The following COL6A6 variants were observed in gnomAD, a reference collection of about 807,000 sequenced individuals.
COL6A6 encodes collagen type VI alpha 6 chain, also known as collagen alpha-6(VI) chain.
In COL6A6, 183 loss-of-function variants were observed where a neutral mutation model predicts 208.6. The observed-to-expected ratio is 0.88, with a 90% CI of 0.78 to 0.99. The LOEUF is 0.99. Ranked by LOEUF, COL6A6 falls within the 50% of genes least tolerant of loss-of-function variation. The probability of loss-of-function intolerance (pLI) is 0.00; values close to 1 mark genes in which losing one functional copy is unlikely to be tolerated. For synonymous variants in COL6A6, 973 were observed against 1,011.8 expected (o/e 0.96, Z 0.73); for missense variants, 2,816 against 2,815.2 (o/e 1.00, Z -0.01).
intron 7 of COL6A6, among the ~76,000 whole-genome samples, chr3:130,572,731 A>G (rs2107943420): frequency 6.6e-6 from 1 of 152,356 alleles, no homozygotes; most frequent in Non-Finnish European, 1.5e-5. Context: ...TTGAAATCTG[A>G]AACAATTTAA....
intron 1 of COL6A6, among the ~76,000 whole-genome samples, chr3:130,540,928 C>A (rs937160703): frequency 6.6e-6 from 1 of 152,142 alleles, no homozygotes; most frequent in Non-Finnish European, 1.5e-5. Context: ...TGGGTTGATT[C>A]CATGTCTTTG....
chr3:130,619,031 C>T lies in COL6A6; in HGVS notation c.4816-2790C>T, dbSNP rs17747765. 5.0e-3 allele frequency among the ~76,000 whole-genome samples: 759 copies of T among 152,230 alleles called. 1 individual carries two copies. The highest frequency in any genetic ancestry group is 7.8e-3 in the Non-Finnish European group (533 of 68,004). On this transcript the variant is annotated intron_variant, in intron 23 of 36. Coordinates refer to ENST00000358511, the MANE Select transcript of COL6A6 (RefSeq NM_001102608.3). ...ATGAAAATTTCATATGGAAAACCAA[C>T]AAATTAAACACAGTAGTTCATCCCT...
intron 26 of COL6A6, among the ~76,000 whole-genome samples, chr3:130,628,581 A>G (rs2064961545): frequency 6.6e-6 from 1 of 152,200 alleles, no homozygotes. Context: ...AATTAATTAT[A>G]TACTTTTTTA....
intron 2 of COL6A6, 129 bp downstream of exon 2, chr3:130,560,557 C>T (rs1191261427): frequency 2.3e-5 from 16 of 706,672 alleles, no homozygotes; most frequent in East Asian, 2.8e-5. Context: ...AGATTAAGGG[C>T]GGTAAGTCAA....
chr3:130,571,766 C>G (rs1018557673), intron 7 of COL6A6, among the ~76,000 whole-genome samples: 1 of 151,786 alleles, frequency 6.6e-6, no homozygotes, highest in Non-Finnish European at 1.5e-5. Flanking sequence ...CCTCAACTTC[C>G]AGGACTCAGG....
At chr3:130,550,702 C>G (rs565151504) in intron 1 of COL6A6, among the ~76,000 whole-genome samples, 9 of 152,202 alleles carry the variant, frequency 5.9e-5, no homozygotes, top group African/African-American at 1.9e-4. Flanking sequence ...AAAGACCAGC[C>G]CCAAGATTAA....
intron 36 of COL6A6, among the ~76,000 whole-genome samples, chr3:130,673,994 T>C (rs548941918): frequency 1.7e-4 from 26 of 152,140 alleles, no homozygotes; most frequent in South Asian, 8.3e-4. Context: ...GGGACTTCAG[T>C]TGTTGCTCAC....
chr3:130,573,869 T>A, intron 7 of COL6A6, 87 bp from the exon 8 acceptor site: 2 of 1,003,056 alleles, frequency 2.0e-6, no homozygotes, highest in South Asian at 1.6e-5. Context: ...GCGCCCGGCC[T>A]ATAGCTGCAA....
Position 130,638,315 on chromosome 3 carries a change from A to G in COL6A6, c.5091+2554A>G, listed in dbSNP as rs148772996. 2.9e-3 allele frequency among the ~76,000 whole-genome samples: 445 copies of G among 152,312 alleles called. 3 individuals are homozygous for G. The highest frequency in any genetic ancestry group is 9.9e-3 in the African/African-American group (412 of 41,568). ...GCATTATGAACTGATTCCTCCTGCTATAAAAGTTGCTGATGTACCTTTCTT... is the reference window on the plus strand; with the variant it reads ...GCATTATGAACTGATTCCTCCTGCTGTAAAAGTTGCTGATGTACCTTTCTT... On this transcript the variant is annotated intron_variant, in intron 28 of 36. Transcript: ENST00000358511.
chr3:130,666,561 T>A (rs2066079997), intron 36 of COL6A6, among the ~76,000 whole-genome samples: 1 of 152,208 alleles, frequency 6.6e-6, no homozygotes, highest in Non-Finnish European at 1.5e-5. Context: ...TATTTATGAT[T>A]CTGTTCATTC....
chr3:130,609,587 A>G (rs2064292115), intron 22 of COL6A6, among the ~76,000 whole-genome samples: 1 of 152,220 alleles, frequency 6.6e-6, no homozygotes, highest in Non-Finnish European at 1.5e-5. Flanking sequence ...GATAAAGGAA[A>G]GGAAATCCTA....
intron 1 of COL6A6, among the ~76,000 whole-genome samples, chr3:130,524,574 A>G (rs6767496): frequency 0.011 from 1,673 of 152,298 alleles, 39 homozygotes; most frequent in African/African-American, 0.038. Flanking sequence ...AAATTCATAA[A>G]TATGTATTCT....
At chr3:130,525,627 C>T (rs570625169) in intron 1 of COL6A6, among the ~76,000 whole-genome samples, 154 of 152,174 alleles carry the variant, frequency 1.0e-3, no homozygotes, top group Admixed American at 1.9e-3. Context: ...TTGTCGATCT[C>T]GGGAAAAAGA....
chr3:130,638,601 G>GT (rs1202587553), intron 28 of COL6A6, among the ~76,000 whole-genome samples: 2 of 152,208 alleles, frequency 1.3e-5, no homozygotes, highest in Non-Finnish European at 2.9e-5. Context: ...AACTCATCCA[G>GT]TAGCCTGCTA....
chr3:130,517,075 C>A (rs527893087), upstream of COL6A6, among the ~76,000 whole-genome samples: 5 of 152,330 alleles, frequency 3.3e-5, no homozygotes, highest in Non-Finnish European at 4.4e-5. Flanking sequence ...GCTGCGCCCC[C>A]CTCCTGGGGG....
rs755398233 is a variant in COL6A6, at chr3:130,641,646, T to C, written c.5092-6T>C. 10 of 1,543,992 alleles carry C rather than the reference T, an allele frequency of 6.5e-6. No individual in the cohort carries two copies. The African/African-American group carries it at 1.4e-4, about 21-fold the overall frequency. On this transcript the variant is annotated splice_polypyrimidine_tract_variant and splice_region_variant and intron_variant, in intron 28 of 36. Coordinates refer to ENST00000358511, the MANE Select transcript of COL6A6 (RefSeq NM_001102608.3). ...AATACAATTTTAAAATAAATTCTCC[T>C]TTGAGATATCTGCTGGGCTTCCAGG...
chr3:130,599,003 C>T (rs79397854), intron 19 of COL6A6, among the ~76,000 whole-genome samples: 17,809 of 152,108 alleles, frequency 0.12, 1,226 homozygotes, highest in South Asian at 0.22. Context: ...GAAAGAAGTA[C>T]GATAAAGTGG....
intron 4 of COL6A6, 114 bp downstream of exon 4, chr3:130,565,728 C>T: frequency 8.8e-6 from 11 of 1,254,426 alleles, no homozygotes; most frequent in Non-Finnish European, 1.1e-5. Context: ...GGATAAGTTC[C>T]TAATTCTTTT....
chr3:130,662,931 G>T (rs1285459784), intron 35 of COL6A6, among the ~76,000 whole-genome samples: 1 of 152,132 alleles, frequency 6.6e-6, no homozygotes, highest in East Asian at 1.9e-4. Flanking sequence ...AGTTTGCCTT[G>T]AAAATATGCA....
Sources: allele counts gnomAD v4.1 joint callset (sites outside exome capture counted in the v4.1 genomes callset), GRCh38; gene constraint gnomAD v4.1.1; transcripts MANE v1.5; gene names NCBI Gene and HGNC (gene_info 2026-07-23, HGNC 2026-07-21).